The following MSRA variants were observed in gnomAD, a reference collection of about 807,000 sequenced individuals.
MSRA encodes the protein mitochondrial peptide methionine sulfoxide reductase.
Under a neutral mutation model 31.3 loss-of-function variants are expected in MSRA, and 54 were observed. The ratio of observed to expected loss-of-function variants is 1.73; its 90% CI spans 1.39 to 2.17. MSRA has a LOEUF of 2.17. Ranked by LOEUF, MSRA falls within the 30% of genes most tolerant of loss-of-function variation. The probability of loss-of-function intolerance (pLI) is 0.00; values close to 1 mark genes in which losing one functional copy is unlikely to be tolerated. For synonymous variants in MSRA, 169 were observed against 116.5 expected, an observed-to-expected ratio of 1.45 and a Z score of -2.90; for missense variants, 507 against 300.9, an observed-to-expected ratio of 1.69 and a Z score of -5.07.
intron 3 of MSRA, among the ~76,000 whole-genome samples, chr8:10,281,431 A>G (rs1799616882): frequency 6.6e-6 from 1 of 152,194 alleles, no homozygotes; most frequent in Admixed American, 6.5e-5. Flanking sequence ...TCCCACCCTC[A>G]TAGGTAATCA....
chr8:10,077,224 A>C (rs376622539), intron 1 of MSRA, among the ~76,000 whole-genome samples: 1 of 152,166 alleles, frequency 6.6e-6, no homozygotes, highest in Non-Finnish European at 1.5e-5. Context: ...AATGATGGGC[A>C]AAGAGAGGGA....
At chr8:10,104,781 C>T (rs1182807578) in intron 1 of MSRA, among the ~76,000 whole-genome samples, 3 of 152,168 alleles carry the variant, frequency 2.0e-5, no homozygotes, top group Non-Finnish European at 4.4e-5. Context: ...CACATCATAG[C>T]CTGAACTGGG....
At chr8:10,374,669 A>G (rs1805660068) in intron 5 of MSRA, among the ~76,000 whole-genome samples, 2 of 152,130 alleles carry the variant, frequency 1.3e-5, no homozygotes, top group South Asian at 2.1e-4. Context: ...TTTAGCGTGC[A>G]TTTCCCCCTC....
intron 5 of MSRA, among the ~76,000 whole-genome samples, chr8:10,410,384 A>T (rs1279880347): frequency 6.6e-6 from 1 of 152,174 alleles, no homozygotes; most frequent in Non-Finnish European, 1.5e-5. Flanking sequence ...CAGGCCCTTG[A>T]CGCTCCTACT....
intron 5 of MSRA, among the ~76,000 whole-genome samples, chr8:10,426,754 G>C (rs1809192576): frequency 6.6e-6 from 1 of 152,250 alleles, no homozygotes. Context: ...TCCCGTGGCT[G>C]TTGTGAGGCT....
At chr8:10,164,239 C>G (rs1323208399) in intron 1 of MSRA, among the ~76,000 whole-genome samples, 1 of 152,174 alleles carries the variant, frequency 6.6e-6, no homozygotes, top group East Asian at 1.9e-4. Flanking sequence ...TAATGTTATC[C>G]TAGTCTTATC....
At chr8:10,295,588 G>A (rs1800493065) in intron 3 of MSRA, among the ~76,000 whole-genome samples, 3 of 152,022 alleles carry the variant, frequency 2.0e-5, no homozygotes, top group Non-Finnish European at 2.9e-5. Context: ...CATAAGACCT[G>A]CTTCCCTGCT....
intron 3 of MSRA, among the ~76,000 whole-genome samples, chr8:10,256,867 ATCTCCTGCCCTCCT>A (rs1318462093): frequency 6.6e-6 from 1 of 152,190 alleles, no homozygotes; most frequent in Non-Finnish European, 1.5e-5. Context: ...CTTGGGCTTC[ATCTCCTGCCCTCCT>A]TCTCCTGCCC....
At chr8:10,321,698 G>A (rs1017260372) in intron 5 of MSRA, among the ~76,000 whole-genome samples, 5 of 152,216 alleles carry the variant, frequency 3.3e-5, no homozygotes, top group African/African-American at 9.7e-5. Flanking sequence ...CCGCGTGAGA[G>A]ATGGTAGGGG....
chr8:10,245,063 G>C, intron 2 of MSRA, 41 bp from the exon 3 acceptor site: 1 of 1,597,920 alleles, frequency 6.3e-7, no homozygotes, highest in Non-Finnish European at 8.5e-7. Context: ...ACTTTGTTTT[G>C]AATAATCAGT....
chr8:10,182,747 G>GT (rs1469949090), intron 1 of MSRA, among the ~76,000 whole-genome samples: 1 of 152,166 alleles, frequency 6.6e-6, no homozygotes, highest in Non-Finnish European at 1.5e-5. Context: ...GCCACACCCA[G>GT]TTTTTTGTCA....
intron 1 of MSRA, among the ~76,000 whole-genome samples, chr8:10,196,624 A>T (rs1808013445): frequency 6.6e-6 from 1 of 152,196 alleles, no homozygotes. Flanking sequence ...ATCTCGACTC[A>T]TCGCAACCTC....
At chr8:10,383,246 G>A (rs537277730) in intron 5 of MSRA, among the ~76,000 whole-genome samples, 1 of 152,314 alleles carries the variant, frequency 6.6e-6, no homozygotes, top group African/African-American at 2.4e-5. Flanking sequence ...TGTGTGAGAT[G>A]GGGGTCACAG....
chr8:10,069,184 TAGAC>T (rs1354827570), intron 1 of MSRA, among the ~76,000 whole-genome samples: 1 of 152,234 alleles, frequency 6.6e-6, no homozygotes, highest in African/African-American at 2.4e-5. Flanking sequence ...ATTTTCTACA[TAGAC>T]AGTCATGTCA....
intron 1 of MSRA, among the ~76,000 whole-genome samples, chr8:10,082,500 A>G (rs561567931): frequency 1.3e-5 from 2 of 152,198 alleles, no homozygotes; most frequent in African/African-American, 4.8e-5. Flanking sequence ...CACAAAACAG[A>G]TGGAGCACTT....
chr8:10,215,484 C>T (rs1236176836), intron 2 of MSRA, among the ~76,000 whole-genome samples: 1 of 152,254 alleles, frequency 6.6e-6, no homozygotes, highest in East Asian at 1.9e-4. Context: ...TCTGGGTGAG[C>T]TGTGATCAAG....
intron 2 of MSRA, among the ~76,000 whole-genome samples, chr8:10,212,210 A>G (rs1442483631): frequency 6.6e-6 from 1 of 152,062 alleles, no homozygotes; most frequent in Non-Finnish European, 1.5e-5. Context: ...TTTAAACTTT[A>G]CTATCTTTGA....
At chr8:10,347,103 A>G (rs1360496938) in intron 5 of MSRA, among the ~76,000 whole-genome samples, 1 of 151,990 alleles carries the variant, frequency 6.6e-6, no homozygotes, top group Non-Finnish European at 1.5e-5. Context: ...TGTCCCCTTT[A>G]TTTTAGTCAT....
At chr8:10,137,336 C>T (rs1368630853) in intron 1 of MSRA, among the ~76,000 whole-genome samples, 1 of 152,126 alleles carries the variant, frequency 6.6e-6, no homozygotes, top group Non-Finnish European at 1.5e-5. Flanking sequence ...CGTCTTGGTG[C>T]CTGCCATTTT....
Sources: gnomAD v4.1 joint callset for allele counts (sites outside exome capture counted in the v4.1 genomes callset) on GRCh38, gnomAD v4.1.1 for gene constraint, MANE v1.5 for transcripts, NCBI Gene and HGNC (gene_info 2026-07-23, HGNC 2026-07-21) for gene names.